Variants in KDM4C observed in about 807,000 individuals in gnomAD.
KDM4C encodes the protein lysine demethylase 4C.
KDM4C carries 81 observed loss-of-function variants against 129.3 expected under a neutral mutation model. That is an observed-to-expected ratio of 0.63 (90% CI 0.52 to 0.75). The LOEUF is 0.75. Ranked by LOEUF, KDM4C falls within the 30% of genes least tolerant of loss-of-function variation. KDM4C has a pLI of 0.00. For missense variants in KDM4C, 1,457 were observed against 1,304.0 expected (o/e 1.12, Z -1.81); for synonymous variants, 573 against 456.1 (o/e 1.26, Z -3.26).
At chr9:7,013,390 C>A (rs1453195541) in intron 13 of KDM4C, among the ~76,000 whole-genome samples, 4 of 152,126 alleles carry the variant, frequency 2.6e-5, no homozygotes, top group Non-Finnish European at 5.9e-5. Flanking sequence ...TACTGCTGCA[C>A]AGATTAAAAC....
At chr9:7,033,895 T>C (rs1827196519) in intron 15 of KDM4C, among the ~76,000 whole-genome samples, 1 of 152,060 alleles carries the variant, frequency 6.6e-6, no homozygotes, top group African/African-American at 2.4e-5. Context: ...GCAAGGCACA[T>C]CTCTTTTGCA....
At chr9:7,165,457 T>A (rs1587957813) in intron 20 of KDM4C, 100 bp downstream of exon 20, 2 of 1,321,472 alleles carry the variant, frequency 1.5e-6, no homozygotes, top group Admixed American at 4.2e-5. Flanking sequence ...CCACATGAAT[T>A]TGGGACACCT....
chr9:6,799,741 T>A (rs905446514), intron 2 of KDM4C, among the ~76,000 whole-genome samples: 1 of 151,120 alleles, frequency 6.6e-6, no homozygotes, highest in African/African-American at 2.4e-5. Context: ...AGAGCCTGAA[T>A]AAATCTGTGT....
At chr9:7,118,056 A>G (rs1448099803) in intron 18 of KDM4C, among the ~76,000 whole-genome samples, 1 of 152,222 alleles carries the variant, frequency 6.6e-6, no homozygotes, top group Non-Finnish European at 1.5e-5. Flanking sequence ...CTCTCTTCCC[A>G]GTTCTCTTCA....
At chr9:6,775,367 T>C (rs1251738796) in intron 1 of KDM4C, among the ~76,000 whole-genome samples, 1 of 152,096 alleles carries the variant, frequency 6.6e-6, no homozygotes, top group Non-Finnish European at 1.5e-5. Flanking sequence ...TTCACTGCTG[T>C]GTAGTTCCAT....
chr9:6,852,855 C>T (rs1339620901), intron 5 of KDM4C, among the ~76,000 whole-genome samples: 3 of 152,116 alleles, frequency 2.0e-5, no homozygotes, highest in Non-Finnish European at 4.4e-5. Flanking sequence ...TTAGGGTTTG[C>T]TTAAAGACTC....
intron 8 of KDM4C, among the ~76,000 whole-genome samples, chr9:6,938,601 C>T (rs1825247659): frequency 6.6e-6 from 1 of 152,178 alleles, no homozygotes; most frequent in Admixed American, 6.5e-5. Context: ...GCACTCTTTT[C>T]ATTCTCCCTG....
chr9:6,807,957 C>CT (rs1336936163), intron 3 of KDM4C, among the ~76,000 whole-genome samples: 22 of 122,126 alleles, frequency 1.8e-4, no homozygotes, highest in African/African-American at 5.3e-4. Flanking sequence ...GTCAGCCCCC[C>CT]GCCCGGCCAG....
intron 17 of KDM4C, among the ~76,000 whole-genome samples, chr9:7,088,635 C>T (rs1443000763): frequency 6.6e-6 from 1 of 152,114 alleles, no homozygotes; most frequent in South Asian, 2.1e-4. Context: ...TAATGGATTA[C>T]ATTTGCTACA....
At chr9:6,829,096 T>G (rs1168148713) in intron 4 of KDM4C, among the ~76,000 whole-genome samples, 1 of 152,208 alleles carries the variant, frequency 6.6e-6, no homozygotes, top group East Asian at 1.9e-4. Context: ...TGCAAGGAGC[T>G]TACTGGTTAG....
chr9:6,993,488 A>G (rs576379848), intron 12 of KDM4C, among the ~76,000 whole-genome samples: 1 of 152,294 alleles, frequency 6.6e-6, no homozygotes, highest in East Asian at 1.9e-4. Flanking sequence ...TGATAAGCAA[A>G]GCTGTTTGGA....
At chr9:6,983,607 C>G (rs1817158406) in intron 9 of KDM4C, among the ~76,000 whole-genome samples, 1 of 126,746 alleles carries the variant, frequency 7.9e-6, no homozygotes, top group Non-Finnish European at 1.7e-5. Flanking sequence ...CACACACACA[C>G]ACACACCAGT....
upstream of KDM4C, among the ~76,000 whole-genome samples, chr9:6,754,402 A>G (rs931847750): frequency 2.6e-5 from 4 of 151,756 alleles, no homozygotes; most frequent in Admixed American, 6.6e-5. Context: ...TAGTAGAGAC[A>G]GGGTTTAACC....
intron 4 of KDM4C, among the ~76,000 whole-genome samples, chr9:6,847,988 G>C (rs1265343186): frequency 6.6e-6 from 1 of 152,220 alleles, no homozygotes; most frequent in Non-Finnish European, 1.5e-5. Flanking sequence ...AGAAGTGGTT[G>C]TATGTGAAGC....
At chr9:7,076,468 A>G in intron 17 of KDM4C, 2 of 1,550,916 alleles carry the variant, frequency 1.3e-6, no homozygotes, top group Non-Finnish European at 1.7e-6. Context: ...CAACAGTAAC[A>G]ACAACAACAA....
chr9:6,969,241 T>G (rs1055855682), intron 8 of KDM4C, among the ~76,000 whole-genome samples: 7 of 152,214 alleles, frequency 4.6e-5, no homozygotes, highest in Non-Finnish European at 1.0e-4. Context: ...CGGCCTGGGT[T>G]GTTAATTACT....
At chr9:6,962,519 T>A (rs1830207185) in intron 8 of KDM4C, among the ~76,000 whole-genome samples, 1 of 152,252 alleles carries the variant, frequency 6.6e-6, no homozygotes, top group Non-Finnish European at 1.5e-5. Flanking sequence ...ATGATCTTTT[T>A]AATCAGTATG....
chr9:6,852,384 G>T (rs141978276), intron 5 of KDM4C, among the ~76,000 whole-genome samples: 4 of 152,132 alleles, frequency 2.6e-5, no homozygotes, highest in Non-Finnish European at 5.9e-5. Context: ...AACTCTGCTT[G>T]TCTGGACTCC....
At chr9:6,939,826 A>G (rs1370504260) in intron 8 of KDM4C, among the ~76,000 whole-genome samples, 1 of 152,208 alleles carries the variant, frequency 6.6e-6, no homozygotes, top group African/African-American at 2.4e-5. Context: ...GCATTTATAT[A>G]TGTTATTTAT....
Sources: gnomAD v4.1 joint callset for allele counts (sites outside exome capture counted in the v4.1 genomes callset) on GRCh38, gnomAD v4.1.1 for gene constraint, MANE v1.5 for transcripts, NCBI Gene and HGNC (gene_info 2026-07-23, HGNC 2026-07-21) for gene names.